Variants in BCOR observed in about 807,000 individuals in gnomAD.
BCOR encodes BCL6 corepressor, also known as BCL-6 corepressor.
In BCOR, 10 loss-of-function variants were observed where a neutral mutation model predicts 86.7. The observed-to-expected ratio is 0.12, with a 90% CI of 0.07 to 0.20. BCOR has a LOEUF of 0.20. Among genes scored for constraint, BCOR ranks in the 10% least tolerant of loss-of-function variants. BCOR has a pLI of 1.00. For missense variants in BCOR, 1,259 were observed against 1,452.1 expected (o/e 0.87, Z 2.16); for synonymous variants, 611 against 609.0 (o/e 1.00, Z -0.05).
At chrX:40,168,292 G>A (rs778901207) in intron 1 of BCOR, among the ~76,000 whole-genome samples, 2 of 113,299 alleles carry the variant, frequency 1.8e-5, no homozygotes, top group East Asian at 5.6e-4. Flanking sequence ...ACAGCTCCTG[G>A]GAGGCAGAAC....
chrX:40,099,645 A>G (rs1225065403), upstream of BCOR, among the ~76,000 whole-genome samples: 1 of 112,490 alleles, frequency 8.9e-6, no homozygotes, highest in Non-Finnish European at 1.9e-5. Context: ...TCTAGCTAGC[A>G]GATATTTTCC....
chrX:40,165,593 A>C, intron 1 of BCOR, among the ~76,000 whole-genome samples: 1 of 112,444 alleles, frequency 8.9e-6, no homozygotes, highest in Non-Finnish European at 1.9e-5. Flanking sequence ...TGGACAGTGC[A>C]GTGGGGTCCT....
intron 1 of BCOR, among the ~76,000 whole-genome samples, chrX:40,172,407 G>C (rs996024624): frequency 8.9e-6 from 1 of 112,890 alleles, no homozygotes; most frequent in Non-Finnish European, 1.9e-5. Context: ...GCAGACCTTG[G>C]GGGGAAAGAG....
At chrX:40,117,027 C>T (rs980366800) in intron 1 of BCOR, among the ~76,000 whole-genome samples, 2 of 112,311 alleles carry the variant, frequency 1.8e-5, no homozygotes, top group African/African-American at 3.2e-5. Flanking sequence ...ACAGGGAACC[C>T]GGAGGAGAGA....
Position 40,053,023 on chromosome X carries a change from A to G in BCOR, c.4977-623T>C, listed in dbSNP as rs1343656629. ...TCAGCTGTGACCACAACTAGGGTCA[A>G]GCCTATCCAAGTGCCCTGCTATCAA... is the stretch of plus-strand genomic sequence containing the variant. On this transcript the variant is annotated intron_variant, in intron 14 of 14. Transcript: ENST00000378444. Among the ~76,000 whole-genome samples the G allele has an allele frequency of 3.6e-5, 4 of 111,487 alleles. No individual in the cohort carries two copies. The East Asian group carries it at 1.1e-3, about 31-fold the overall frequency.
At chrX:40,100,328 C>T (rs566362693), upstream of BCOR, among the ~76,000 whole-genome samples, 77 of 112,780 alleles carry the variant, frequency 6.8e-4, 1 homozygote, top group African/African-American at 2.3e-3. Flanking sequence ...AGTGTGGAGC[C>T]GTGCCAGGCT....
chrX:40,060,357 T>C (rs1037733719), intron 10 of BCOR, among the ~76,000 whole-genome samples: 1 of 112,434 alleles, frequency 8.9e-6, no homozygotes, highest in Admixed American at 9.4e-5. Flanking sequence ...TCAAGGCTTC[T>C]TGCACCAAAG....
At chrX:40,150,411 T>A in intron 1 of BCOR, among the ~76,000 whole-genome samples, 2 of 112,660 alleles carry the variant, frequency 1.8e-5, no homozygotes, top group Admixed American at 1.9e-4. Context: ...TATCATAGTT[T>A]AAATCAATAA....
chrX:40,160,967 A>T (rs1337926030), intron 1 of BCOR, among the ~76,000 whole-genome samples: 4 of 104,245 alleles, frequency 3.8e-5, no homozygotes, highest in Non-Finnish European at 5.9e-5. Flanking sequence ...GAGTCACCGA[A>T]CTCGGCCTTT....
intron 1 of BCOR, among the ~76,000 whole-genome samples, chrX:40,094,954 T>A (rs1398336730): frequency 8.9e-6 from 1 of 112,164 alleles, no homozygotes; most frequent in Non-Finnish European, 1.9e-5. Context: ...AGTCACCTAC[T>A]GGTGACAGCG....
intron 6 of BCOR, among the ~76,000 whole-genome samples, chrX:40,067,279 A>G (rs1420970423): frequency 9.0e-6 from 1 of 111,493 alleles, no homozygotes; most frequent in African/African-American, 3.3e-5. Context: ...TCTGCTAGGG[A>G]GCACCCCCAT....
At chrX:40,113,471 C>A (rs1372700537) in intron 1 of BCOR, among the ~76,000 whole-genome samples, 1 of 110,358 alleles carries the variant, frequency 9.1e-6, no homozygotes, top group African/African-American at 3.3e-5. Flanking sequence ...AGAACAAAAT[C>A]TAAATGCCTT....
chrX:40,163,387 A>G (rs1938456060), intron 1 of BCOR, among the ~76,000 whole-genome samples: 1 of 111,596 alleles, frequency 9.0e-6, no homozygotes, highest in African/African-American at 3.3e-5. Context: ...CCTAAAATCC[A>G]TATTTGCTTT....
At chrX:40,172,702 A>G (rs1045346947) in intron 1 of BCOR, among the ~76,000 whole-genome samples, 5 of 112,945 alleles carry the variant, frequency 4.4e-5, no homozygotes, top group African/African-American at 1.3e-4. Flanking sequence ...GGCTGGCGGG[A>G]CAAGCGGCGG....
rs756804791 is a variant in BCOR, at chrX:40,072,337, G to T, written c.2997+12C>A. 8 of 1,200,511 alleles carry T rather than the reference G, an allele frequency of 6.7e-6. No individual in the cohort carries two copies. Among genetic ancestry groups the T allele is most frequent in the African/African-American group, 3.5e-5 (2 of 56,895 alleles). ...CTGGTAAAGTAACTGAAATTCAGGT[G>T]GGGGGGCTCACCTGCAATGCCCGTT... On this transcript the variant is annotated intron_variant, in intron 4 of 14. Transcript: ENST00000378444.
chrX:40,123,716 C>T (rs1602241699), intron 1 of BCOR, among the ~76,000 whole-genome samples: 1 of 110,739 alleles, frequency 9.0e-6, no homozygotes, highest in East Asian at 2.8e-4. Context: ...CTGTGTTTTT[C>T]CTCCATTTAT....
At chrX:40,058,751 G>C (rs1033416512) in intron 10 of BCOR, among the ~76,000 whole-genome samples, 1 of 111,622 alleles carries the variant, frequency 9.0e-6, no homozygotes, top group African/African-American at 3.3e-5. Flanking sequence ...CCACAGATGC[G>C]TCTCTTCCTT....
intron 1 of BCOR, among the ~76,000 whole-genome samples, chrX:40,163,839 C>T (rs893576439): frequency 4.5e-5 from 5 of 110,424 alleles, no homozygotes; most frequent in African/African-American, 1.7e-4. Flanking sequence ...GCCTGACCAA[C>T]ATGCTAAAAC....
intron 1 of BCOR, among the ~76,000 whole-genome samples, chrX:40,107,830 T>C (rs988603158): frequency 8.8e-6 from 1 of 113,239 alleles, no homozygotes. Context: ...CTCCCGGGCC[T>C]GCGAGATCTA....
Sources: gnomAD v4.1 joint callset for allele counts (sites outside exome capture counted in the v4.1 genomes callset) on GRCh38, gnomAD v4.1.1 for gene constraint, MANE v1.5 for transcripts, NCBI Gene and HGNC (gene_info 2026-07-23, HGNC 2026-07-21) for gene names.